CDH23: variants seen among roughly 807,000 people sequenced by gnomAD.
The protein encoded by CDH23 is cadherin related 23.
A neutral mutation model predicts 317.1 loss-of-function variants in CDH23; 189 were observed. The ratio of observed to expected loss-of-function variants is 0.60; its 90% CI spans 0.53 to 0.67. The LOEUF is 0.67. Ranked by LOEUF, CDH23 falls within the 30% of genes least tolerant of loss-of-function variation. The probability of loss-of-function intolerance (pLI) is 0.00; values close to 1 mark genes in which losing one functional copy is unlikely to be tolerated. For missense variants in CDH23, 4,401 were observed against 4,592.4 expected (o/e 0.96, Z 1.20); for synonymous variants, 1,839 against 1,876.8 (o/e 0.98, Z 0.52).
intron 22 of CDH23, among the ~76,000 whole-genome samples, chr10:71,698,762 T>C (rs1330640611): frequency 2.0e-5 from 3 of 152,222 alleles, no homozygotes; most frequent in Non-Finnish European, 2.9e-5. Context: ...CCAAATTCTG[T>C]TTCCTGCAGA....
chr10:71,703,290 G>C (rs765486573), intron 24 of CDH23, among the ~76,000 whole-genome samples: 2 of 152,118 alleles, frequency 1.3e-5, no homozygotes, highest in South Asian at 4.1e-4. Context: ...TCTGCCCTCC[G>C]GGGGCCATTC....
In CDH23 at chr10:71,677,578, G is replaced by A. The variant is rs199508694; in HGVS notation, c.1637G>A (p.Arg546Gln). The A allele has an allele frequency of 7.3e-5, 118 of 1,610,168 alleles. 1 individual carries two copies. The African/African-American group carries it at 8.8e-4, about 12-fold the overall frequency. ...GGGGGCGGCGAGGAGACCACAGGCC[G>A]GGTCAGGATCAATGTGTTGGATGTC... is the stretch of plus-strand genomic sequence containing the variant. ...RDGGGEETTGRVRINVLDVND... is the reference protein window; with the variant it reads ...RDGGGEETTGQVRINVLDVND... The change falls in exon 16 of 70, where the codon CGG becomes CAG. Residue 546 changes from arginine to glutamine, a missense_variant. Arg to Gln is a conservative substitution (Grantham distance 43, BLOSUM62 1). Around this residue, in one of 3 missense-constraint regions of CDH23, gnomAD observed 3,068 missense variants for 3,203.3 expected, o/e 0.96. Transcript: ENST00000224721.
At chr10:71,770,159 G>A (rs962864895) in intron 38 of CDH23, among the ~76,000 whole-genome samples, 1 of 152,236 alleles carries the variant, frequency 6.6e-6, no homozygotes, top group African/African-American at 2.4e-5. Flanking sequence ...AAGCAGCTTA[G>A]ATAGAAAGCC....
chr10:71,674,973 C>T, intron 14 of CDH23, 139 bp from the exon 15 acceptor site: 1 of 743,020 alleles, frequency 1.3e-6, no homozygotes, highest in East Asian at 2.7e-5. Flanking sequence ...AGCAGGCTTT[C>T]ACCAGGCCTC....
chr10:71,611,642 G>C (rs1860901303), intron 9 of CDH23, among the ~76,000 whole-genome samples: 1 of 152,146 alleles, frequency 6.6e-6, no homozygotes, highest in South Asian at 2.1e-4. Context: ...CCACATATAA[G>C]TCACTTGATC....
rs727504445 is a variant in CDH23 at position 71,807,384 on chromosome 10, G to A, written c.8286G>A (p.Ala2762=). ...GAVDADEGPN[A]IVYYFIAAGN... ...TGGATGCAGATGAGGGCCCCAACGC[G>A]ATCGTGTACTACTTCATCGCAGGTG... The change falls in exon 58 of 70, where the codon GCG becomes GCA. Residue 2762 remains alanine (A), a synonymous_variant. Coordinates refer to ENST00000224721, the MANE Select transcript of CDH23 (RefSeq NM_022124.6). 120 of 1,613,760 alleles carry A rather than the reference G, an allele frequency of 7.4e-5. No individual in the cohort carries two copies. The highest frequency in any genetic ancestry group is 9.2e-5 in the Non-Finnish European group (109 of 1,179,854).
At chr10:71,532,189 A>C (rs769804601) in intron 6 of CDH23, among the ~76,000 whole-genome samples, 1 of 151,820 alleles carries the variant, frequency 6.6e-6, no homozygotes, top group Non-Finnish European at 1.5e-5. Flanking sequence ...TCCTTCCCCA[A>C]CAACAGCCAT....
At chr10:71,791,868 G>A (rs963795555) in intron 47 of CDH23, among the ~76,000 whole-genome samples, 2 of 152,058 alleles carry the variant, frequency 1.3e-5, no homozygotes, top group African/African-American at 4.8e-5. Context: ...GAGCCACCAC[G>A]CCTGGCCTAC....
intron 26 of CDH23, 54 bp from the exon 27 acceptor site, chr10:71,709,044 C>T (rs1476604079): frequency 1.3e-6 from 2 of 1,536,356 alleles, no homozygotes; most frequent in East Asian, 2.3e-5. Flanking sequence ...TCCCCGCTTC[C>T]CCTGGCCGGG....
intron 44 of CDH23, among the ~76,000 whole-genome samples, chr10:71,787,188 CG>C (rs1841129020): frequency 6.6e-6 from 1 of 152,150 alleles, no homozygotes; most frequent in African/African-American, 2.4e-5. Context: ...GCCACACCTC[CG>C]TGAAGGAGTT....
chr10:71,759,842 CACACATAT>C lies in CDH23; in HGVS notation c.4846-17832_4846-17825del, dbSNP rs1203822754. Among the ~76,000 whole-genome samples, 370 of 40,054 alleles carry C rather than the reference CACACATAT, an allele frequency of 9.2e-3. 23 individuals carry two copies. The highest frequency in any genetic ancestry group is 0.032 in the East Asian group (37 of 1,166). The allele number at this position is 40,054 out of a possible 152,430, so 26.3% of individuals were successfully genotyped here. On this transcript the variant is annotated intron_variant, in intron 38 of 69. Transcript: ENST00000224721. Reference sequence around the variant, plus strand: ...ATATACACACACACACACACACACACACACATATACACACACACACACATATATATACA... The same window carrying C: ...ATATACACACACACACACACACACACACACACACACACACATATATATACA...
chr10:71,653,602 G>A (rs1863281274), intron 14 of CDH23, among the ~76,000 whole-genome samples: 2 of 152,222 alleles, frequency 1.3e-5, no homozygotes, highest in South Asian at 2.1e-4. Context: ...CCCAGCAGAA[G>A]GACATGTTGC....
chr10:71,746,272 T>C (rs899314947), intron 38 of CDH23, among the ~76,000 whole-genome samples: 4 of 152,178 alleles, frequency 2.6e-5, no homozygotes, highest in African/African-American at 9.7e-5. Flanking sequence ...GGGCCTGAGA[T>C]TTGGCTGCTA....
rs565627505 is a variant in CDH23, at chr10:71,643,845, C to T, written c.1135-16C>T. 11 of 766,046 alleles carry T rather than the reference C, an allele frequency of 1.4e-5. No homozygotes were observed. Among genetic ancestry groups the T allele is most frequent in the South Asian group, 8.0e-5 (6 of 74,576 alleles). 47.5% of individuals were successfully genotyped at this position (766,046 alleles called of 1,614,324 possible). A position where few individuals can be genotyped will look rare whatever the true frequency, so the allele number is the denominator to read the frequency against. The stretch of plus-strand genomic sequence containing the variant: ...TCTGTCTCCATATCCTTTGACTGAC[C>T]GACTCCCATTGACAGAATTTGGTAA... On this transcript the variant is annotated splice_polypyrimidine_tract_variant and intron_variant, in intron 11 of 69. Transcript: ENST00000224721.
At position 71,789,157 on chromosome 10, in the gene CDH23, T is replaced by A. The variant is rs538916229; in HGVS notation, c.5923+115T>A. On this transcript the variant is annotated intron_variant, in intron 45 of 69. Transcript: ENST00000224721. The stretch of plus-strand genomic sequence containing the variant: ...ATAGCTGAACCTAGACCCCAGTGGG[T>A]GCGGGAGGGGAAGGATGGGTGCAGC... 5 of 621,342 alleles carry A rather than the reference T, an allele frequency of 8.0e-6. No homozygotes were observed. The East Asian group carries it at 1.4e-4, about 17-fold the overall frequency. The allele number at this position is 621,342 out of a possible 1,614,324, so 38.5% of individuals were successfully genotyped here. A position where few individuals can be genotyped will look rare whatever the true frequency, so the allele number is the denominator to read the frequency against.
intron 14 of CDH23, among the ~76,000 whole-genome samples, chr10:71,651,145 G>T (rs1385219926): frequency 6.6e-6 from 1 of 152,160 alleles, no homozygotes; most frequent in African/African-American, 2.4e-5. Flanking sequence ...CTCTAATAGG[G>T]TACCTGACCT....
At chr10:71,615,824 CCTGCCGCAT>C (rs1221746842) in intron 10 of CDH23, among the ~76,000 whole-genome samples, 5 of 152,322 alleles carry the variant, frequency 3.3e-5, no homozygotes, top group African/African-American at 1.2e-4. Context: ...GTGTGCTGGG[CCTGCCGCAT>C]CCATCATCAA....
At chr10:71,588,807 G>A (rs982277187) in intron 9 of CDH23, among the ~76,000 whole-genome samples, 3 of 152,150 alleles carry the variant, frequency 2.0e-5, no homozygotes, top group East Asian at 1.9e-4. Flanking sequence ...GCACAAAGCC[G>A]CTGCAGGTGG....
chr10:71,680,798 C>T (rs1225807658), intron 17 of CDH23, among the ~76,000 whole-genome samples: 3 of 142,102 alleles, frequency 2.1e-5, no homozygotes, highest in African/African-American at 7.6e-5. Flanking sequence ...AAATCTACAT[C>T]CCTCTGTCTT....
Sources: allele counts gnomAD v4.1 joint callset (sites outside exome capture counted in the v4.1 genomes callset), GRCh38; gene constraint gnomAD v4.1.1; regional missense constraint gnomAD v4.1.1; transcripts MANE v1.5; gene names NCBI Gene and HGNC (gene_info 2026-07-23, HGNC 2026-07-21).